The following RAB38 variants were observed in gnomAD, a reference collection of about 807,000 sequenced individuals.
RAB38 encodes the protein ras-related protein Rab-38.
In RAB38, 15 loss-of-function variants were observed where a neutral mutation model predicts 18.4. That is an observed-to-expected ratio of 0.82 (90% CI 0.55 to 1.26). The LOEUF (loss-of-function observed/expected upper bound fraction) is 1.26. Ranked by LOEUF, RAB38 falls within the 50% of genes most tolerant of loss-of-function variation. The probability of loss-of-function intolerance (pLI) is 0.00; values close to 1 mark genes in which losing one functional copy is unlikely to be tolerated. For synonymous variants in RAB38, 101 were observed against 104.4 expected, an observed-to-expected ratio of 0.97 and a Z score of 0.20; for missense variants, 294 against 267.4, an observed-to-expected ratio of 1.10 and a Z score of -0.69.
At chr11:87,818,731 C>G in the RAB38 span, among the ~76,000 whole-genome samples, 1 of 151,786 alleles carries the variant, frequency 6.6e-6, no homozygotes, top group Non-Finnish European at 1.5e-5. Flanking sequence ...TCAAATGGGG[C>G]TAATAACACT....
chr11:88,119,629 C>T (rs1276270014), intron 2 of RAB38, among the ~76,000 whole-genome samples: 4 of 149,202 alleles, frequency 2.7e-5, no homozygotes, highest in Non-Finnish European at 4.4e-5. Flanking sequence ...ATCTGTCTTG[C>T]GGCAAAGTAT....
At chr11:88,030,893 C>A in the RAB38 span, among the ~76,000 whole-genome samples, 4 of 151,786 alleles carry the variant, frequency 2.6e-5, no homozygotes, top group East Asian at 7.7e-4. Context: ...CCAGCATCAT[C>A]CTGATACCAA....
chr11:88,092,810 ACT>A, the RAB38 span, among the ~76,000 whole-genome samples: 2 of 151,918 alleles, frequency 1.3e-5, no homozygotes, highest in South Asian at 4.1e-4. Flanking sequence ...CATTTGAAAG[ACT>A]CTATTCAGAA....
In RAB38 at chr11:88,133,441, T is replaced by G. The variant is rs144689908; in HGVS notation, c.483+16234A>C. The stretch of plus-strand genomic sequence containing the variant: ...GTTTCTGAATATTTTGGCCCTTTTG[T>G]AGACCTGAAATTTAGGCTTGCTACT... On this transcript the variant is annotated intron_variant, in intron 2 of 2. Transcript: ENST00000243662. Among the ~76,000 whole-genome samples the G allele has an allele frequency of 2.2e-3, 337 of 152,294 alleles. 2 individuals carry two copies. The highest frequency in any genetic ancestry group is 7.7e-3 in the African/African-American group (321 of 41,544).
chr11:88,007,237 T>C, the RAB38 span, among the ~76,000 whole-genome samples: 347 of 151,986 alleles, frequency 2.3e-3, 3 homozygotes, highest in African/African-American at 7.9e-3. Context: ...ACAATTTGGG[T>C]GCAAAGATTT....
the RAB38 span, among the ~76,000 whole-genome samples, chr11:87,852,195 T>C: frequency 6.6e-6 from 1 of 152,102 alleles, no homozygotes; most frequent in African/African-American, 2.4e-5. Context: ...GAAGGTTTTA[T>C]GACCTACTTC....
chr11:88,142,684 A>T (rs1437652996), intron 2 of RAB38, among the ~76,000 whole-genome samples: 1 of 152,218 alleles, frequency 6.6e-6, no homozygotes, highest in African/African-American at 2.4e-5. Context: ...CTTCTCTCAC[A>T]TCCAGAGCTG....
chr11:88,089,225 CTT>C, the RAB38 span, among the ~76,000 whole-genome samples: 1 of 151,508 alleles, frequency 6.6e-6, no homozygotes. Context: ...GACACTCTCT[CTT>C]GTTGGGCAAC....
the RAB38 span, among the ~76,000 whole-genome samples, chr11:87,812,264 C>T: frequency 6.6e-6 from 1 of 151,864 alleles, no homozygotes; most frequent in African/African-American, 2.4e-5. Flanking sequence ...AATACAAAAC[C>T]TTCCTTGTCA....
the RAB38 span, among the ~76,000 whole-genome samples, chr11:87,873,228 C>A: frequency 2.6e-5 from 4 of 151,504 alleles, no homozygotes; most frequent in Non-Finnish European, 3.0e-5. Flanking sequence ...CATATGCTTA[C>A]TTGTTATCTG....
chr11:87,917,543 T>G, the RAB38 span, among the ~76,000 whole-genome samples: 9 of 151,272 alleles, frequency 5.9e-5, no homozygotes, highest in African/African-American at 1.9e-4. Context: ...TTTTTTTTTT[T>G]TTTTTTTTTC....
chr11:87,859,121 A>G, the RAB38 span, among the ~76,000 whole-genome samples: 1 of 151,864 alleles, frequency 6.6e-6, no homozygotes, highest in Admixed American at 6.6e-5. Flanking sequence ...ACCTCACAAT[A>G]TACACTTGAA....
At chr11:87,941,525 C>T in the RAB38 span, among the ~76,000 whole-genome samples, 1 of 151,960 alleles carries the variant, frequency 6.6e-6, no homozygotes, top group Non-Finnish European at 1.5e-5. Flanking sequence ...ACTTGATTCT[C>T]TTCCTCATTG....
the RAB38 span, among the ~76,000 whole-genome samples, chr11:88,013,582 A>G: frequency 6.6e-6 from 1 of 152,194 alleles, no homozygotes; most frequent in African/African-American, 2.4e-5. Context: ...GCTTGCCTGA[A>G]AAATGCTGCA....
chr11:87,960,067 GC>G, the RAB38 span, among the ~76,000 whole-genome samples: 1 of 152,090 alleles, frequency 6.6e-6, no homozygotes, highest in East Asian at 1.9e-4. Context: ...AGTTTATGTA[GC>G]CTATGAGTGT....
the RAB38 span, among the ~76,000 whole-genome samples, chr11:88,051,889 C>T: frequency 1.3e-5 from 2 of 151,962 alleles, no homozygotes; most frequent in Non-Finnish European, 2.9e-5. Context: ...TTTCGGAGGC[C>T]GAGGCTGGTA....
At chr11:88,025,762 CT>C in the RAB38 span, among the ~76,000 whole-genome samples, 1 of 152,082 alleles carries the variant, frequency 6.6e-6, no homozygotes, top group Non-Finnish European at 1.5e-5. Flanking sequence ...CTTATAGAGT[CT>C]GGATATTAGA....
the RAB38 span, among the ~76,000 whole-genome samples, chr11:87,941,094 C>T: frequency 6.6e-6 from 1 of 150,446 alleles, no homozygotes; most frequent in Non-Finnish European, 1.5e-5. Flanking sequence ...CTTAAAAGAA[C>T]CTGAAGTTTA....
chr11:88,137,072 C>T (rs1211984445), intron 2 of RAB38, among the ~76,000 whole-genome samples: 1 of 152,222 alleles, frequency 6.6e-6, no homozygotes, highest in Non-Finnish European at 1.5e-5. Flanking sequence ...ACTCTGACAT[C>T]TTCACCCTTA....
Sources: gnomAD v4.1 joint callset for allele counts (sites outside exome capture counted in the v4.1 genomes callset) on GRCh38, gnomAD v4.1.1 for gene constraint, MANE v1.5 for transcripts, NCBI Gene and HGNC (gene_info 2026-07-23, HGNC 2026-07-21) for gene names.